GLB1L3: variants seen among roughly 807,000 people sequenced by gnomAD.
The protein encoded by GLB1L3 is beta-galactosidase-1-like protein 3.
GLB1L3 carries 89 observed loss-of-function variants against 89.5 expected under a neutral mutation model. The ratio of observed to expected loss-of-function variants is 0.99; its 90% CI spans 0.84 to 1.19. The LOEUF (loss-of-function observed/expected upper bound fraction) is 1.19. Among genes scored for constraint, GLB1L3 ranks in the 50% most tolerant of loss-of-function variants. The pLI, the probability that GLB1L3 is intolerant of heterozygous loss-of-function variation, is 0.00. For missense variants in GLB1L3, 812 were observed against 813.3 expected, an observed-to-expected ratio of 1.00 and a Z score of 0.02; for synonymous variants, 314 against 312.3, an observed-to-expected ratio of 1.01 and a Z score of -0.06.
intron 6 of GLB1L3, among the ~76,000 whole-genome samples, chr11:134,286,391 C>T (rs1461803222): frequency 6.6e-6 from 1 of 152,198 alleles, no homozygotes; most frequent in Admixed American, 6.5e-5. Flanking sequence ...AGTTGAGGTA[C>T]ATCTTTTGTT....
chr11:134,290,398 C>T (rs1415743869), intron 7 of GLB1L3, among the ~76,000 whole-genome samples: 1 of 152,016 alleles, frequency 6.6e-6, no homozygotes, highest in African/African-American at 2.4e-5. Context: ...CGTGTCAAAA[C>T]TCTGTCTCTA....
At chr11:134,279,427 C>T (rs767924500) in intron 3 of GLB1L3, among the ~76,000 whole-genome samples, 23 of 140,842 alleles carry the variant, frequency 1.6e-4, no homozygotes, top group Non-Finnish European at 2.4e-4. Context: ...AGTGCAGTGG[C>T]GCGATCTCTG....
chr11:134,308,138 A>G (rs1942288159), intron 10 of GLB1L3, among the ~76,000 whole-genome samples: 2 of 150,096 alleles, frequency 1.3e-5, no homozygotes, highest in Admixed American at 1.3e-4. Flanking sequence ...CATCACCACC[A>G]CAATCACCAT....
chr11:134,279,578 C>G (rs1032169277), intron 3 of GLB1L3, among the ~76,000 whole-genome samples: 3 of 152,022 alleles, frequency 2.0e-5, no homozygotes, highest in African/African-American at 7.2e-5. Context: ...ATCGGTCAGG[C>G]TGGTCTCAAA....
chr11:134,322,207 A>G (rs1386782604), downstream of GLB1L3, among the ~76,000 whole-genome samples: 2 of 152,230 alleles, frequency 1.3e-5, no homozygotes, highest in Non-Finnish European at 2.9e-5. Context: ...AGAAGGTGTT[A>G]CTAGGTATAG....
intron 6 of GLB1L3, 57 bp downstream of exon 6, chr11:134,283,902 T>A (rs1366595094): frequency 9.6e-7 from 1 of 1,038,832 alleles, no homozygotes; most frequent in Non-Finnish European, 1.5e-6. Flanking sequence ...AAAGAGTTTG[T>A]TCTGGCTTGA....
At chr11:134,284,505 G>A (rs1246543488) in intron 6 of GLB1L3, among the ~76,000 whole-genome samples, 4 of 152,022 alleles carry the variant, frequency 2.6e-5, no homozygotes, top group Non-Finnish European at 5.9e-5. Context: ...AGGCAGGGGG[G>A]TCACCTGAGG....
chr11:134,306,799 G>A (rs940826448), intron 9 of GLB1L3, among the ~76,000 whole-genome samples: 3 of 152,254 alleles, frequency 2.0e-5, no homozygotes, highest in South Asian at 2.1e-4. Flanking sequence ...AAGGAATTGC[G>A]GTCAGGTCCT....
downstream of GLB1L3, among the ~76,000 whole-genome samples, chr11:134,319,768 G>C (rs562172634): frequency 6.6e-6 from 1 of 151,834 alleles, no homozygotes; most frequent in East Asian, 1.9e-4. Flanking sequence ...GTGCATGTGT[G>C]TGTGTGTATG....
intron 6 of GLB1L3, among the ~76,000 whole-genome samples, chr11:134,286,793 C>A (rs1042022546): frequency 3.4e-5 from 5 of 148,156 alleles, no homozygotes; most frequent in Non-Finnish European, 7.5e-5. Context: ...TAAATAAATA[C>A]ATAAATAAGA....
intron 3 of GLB1L3, among the ~76,000 whole-genome samples, chr11:134,281,048 G>A (rs1194773226): frequency 6.6e-6 from 1 of 152,196 alleles, no homozygotes; most frequent in Non-Finnish European, 1.5e-5. Context: ...TTATAAGGAA[G>A]ATGTAGACAT....
At chr11:134,305,010 T>C (rs886353716) in intron 9 of GLB1L3, 4 of 1,294,852 alleles carry the variant, frequency 3.1e-6, no homozygotes, top group Admixed American at 4.8e-5. Flanking sequence ...GCGCTAACAA[T>C]GTATCTTAGT....
intron 3 of GLB1L3, among the ~76,000 whole-genome samples, chr11:134,278,442 A>G (rs1301694357): frequency 6.6e-6 from 1 of 152,060 alleles, no homozygotes; most frequent in Non-Finnish European, 1.5e-5. Context: ...ATGCCACCAC[A>G]CCAGGCTAAT....
Position 134,276,464 on chromosome 11 carries a change from G to A in GLB1L3, c.-277G>A, listed in dbSNP as rs918309593. The A allele has an allele frequency of 8.5e-6, 3 of 354,280 alleles. No homozygotes were observed. Among genetic ancestry groups the A allele is most frequent in the African/African-American group, 6.4e-5 (3 of 47,062 alleles). The allele number at this position is 354,280 out of a possible 1,614,324, so 21.9% of individuals were successfully genotyped here. On this transcript the variant is annotated 5_prime_UTR_variant, in exon 1 of 20. Coordinates refer to ENST00000431683, the MANE Select transcript of GLB1L3 (RefSeq NM_001080407.3). ...AAGGGCCCTCCCGCTTCCCCTCCGA[G>A]GGCAGAGAGGCGTCCGCGCCCGGAC...
intron 10 of GLB1L3, among the ~76,000 whole-genome samples, chr11:134,308,383 CCACCATCACCACCAT>C (rs771333419): frequency 0.036 from 2,449 of 68,210 alleles, 273 homozygotes; most frequent in African/African-American, 0.054. Flanking sequence ...ACCACCATCA[CCACCATCACCACCAT>C]CACCATCACC....
chr11:134,300,967 C>G (rs900595310), intron 9 of GLB1L3, among the ~76,000 whole-genome samples: 1 of 152,192 alleles, frequency 6.6e-6, no homozygotes, highest in Non-Finnish European at 1.5e-5. Context: ...GGGATTCTCC[C>G]GAATCTCCCC....
At position 134,312,406 on chromosome 11, in the gene GLB1L3, G is replaced by C; in HGVS notation, c.1345G>C (p.Gly449Arg). Residue 449 changes from glycine (G) to arginine (R), a missense_variant, in exon 14 of 20, where the codon GGC becomes CGC. By Grantham distance (125) the Gly-to-Arg change is moderately radical. Around this residue, in one of 3 missense-constraint regions of GLB1L3, gnomAD observed 618 missense variants for 604.0 expected, o/e 1.02. Coordinates refer to ENST00000431683, the MANE Select transcript of GLB1L3 (RefSeq NM_001080407.3). ...GAACCTTCCCATAAACAATGGGAGC[G>C]GCCAGTCCTACGGGCTTGTCCTGTA... is the stretch of plus-strand genomic sequence containing the variant. ...MENLPINNGS[G>R]QSYGLVLYEK... The C allele has an allele frequency of 6.2e-7, 1 of 1,613,800 alleles. No individual in the cohort carries two copies. The highest frequency in any genetic ancestry group is 8.5e-7 in the Non-Finnish European group (1 of 1,179,858).
At chr11:134,290,571 C>G (rs1238972246) in intron 7 of GLB1L3, among the ~76,000 whole-genome samples, 1 of 113,574 alleles carries the variant, frequency 8.8e-6, no homozygotes, top group Non-Finnish European at 2.0e-5. Flanking sequence ...AGACTCGTCC[C>G]CCCCCGCCAA....
intron 9 of GLB1L3, chr11:134,305,350 AG>A (rs1779528566): frequency 2.1e-6 from 1 of 483,964 alleles, no homozygotes; most frequent in Non-Finnish European, 3.7e-6. Context: ...TTGTGCTGTT[AG>A]TCTTTCCTAA....
Sources: allele counts gnomAD v4.1 joint callset (sites outside exome capture counted in the v4.1 genomes callset), GRCh38; gene constraint gnomAD v4.1.1; regional missense constraint gnomAD v4.1.1; transcripts MANE v1.5; gene names NCBI Gene and HGNC (gene_info 2026-07-23, HGNC 2026-07-21).